Variants in NRXN3 observed in about 807,000 individuals in gnomAD.
NRXN3 encodes the protein neurexin III.
NRXN3 carries 32 observed loss-of-function variants against 137.6 expected under a neutral mutation model. The ratio of observed to expected loss-of-function variants is 0.23; its 90% CI spans 0.18 to 0.31. NRXN3 has a LOEUF of 0.31. Ranked by LOEUF, NRXN3 falls within the 10% of genes least tolerant of loss-of-function variation. NRXN3 has a pLI of 1.00. For synonymous variants in NRXN3, 798 were observed against 784.5 expected (o/e 1.02, Z -0.29); for missense variants, 1,574 against 2,062.5 (o/e 0.76, Z 4.59).
intron 4 of NRXN3, among the ~76,000 whole-genome samples, chr14:78,496,748 A>G (rs1173983877): frequency 3.3e-5 from 5 of 151,990 alleles, no homozygotes; most frequent in Admixed American, 3.3e-4. Flanking sequence ...GGTGAATCCA[A>G]AGATGAAGGG....
chr14:79,682,007 C>T (rs559676229), intron 17 of NRXN3, among the ~76,000 whole-genome samples: 1 of 152,016 alleles, frequency 6.6e-6, no homozygotes, highest in South Asian at 2.1e-4. Context: ...TGCTTTAAGT[C>T]AAATTGATTT....
At chr14:79,074,017 TA>T (rs2099691897) in intron 15 of NRXN3, among the ~76,000 whole-genome samples, 2 of 152,204 alleles carry the variant, frequency 1.3e-5, no homozygotes, top group South Asian at 4.1e-4. Context: ...TTTTGTTAAA[TA>T]AAATGAAGCT....
At chr14:78,316,938 T>C (rs553249124) in intron 4 of NRXN3, among the ~76,000 whole-genome samples, 1 of 152,318 alleles carries the variant, frequency 6.6e-6, no homozygotes, top group African/African-American at 2.4e-5. Context: ...CTTCCTTGAC[T>C]GTATTAGTCA....
chr14:78,328,393 A>T (rs2080364100), intron 4 of NRXN3, among the ~76,000 whole-genome samples: 2 of 152,210 alleles, frequency 1.3e-5, no homozygotes, highest in Non-Finnish European at 2.9e-5. Context: ...GGGGTGGAAG[A>T]TGTTGAGTTG....
chr14:78,845,650 G>T (rs1274490964), intron 10 of NRXN3, among the ~76,000 whole-genome samples: 2 of 151,946 alleles, frequency 1.3e-5, no homozygotes, highest in Non-Finnish European at 2.9e-5. Flanking sequence ...GTAGGCAAAA[G>T]GTAGAGTAAT....
chr14:78,290,645 A>T (rs938217350), intron 3 of NRXN3, among the ~76,000 whole-genome samples: 2 of 152,188 alleles, frequency 1.3e-5, no homozygotes, highest in African/African-American at 2.4e-5. Flanking sequence ...TCTCAAAAAA[A>T]AAGGGGGACT....
intron 19 of NRXN3, among the ~76,000 whole-genome samples, chr14:79,739,456 C>T (rs2098953004): frequency 6.6e-6 from 1 of 151,578 alleles, no homozygotes; most frequent in African/African-American, 2.4e-5. Flanking sequence ...ACCAGCCTGG[C>T]CAACATGGTG....
chr14:79,757,110 C>T (rs1274178637), intron 19 of NRXN3, among the ~76,000 whole-genome samples: 1 of 152,148 alleles, frequency 6.6e-6, no homozygotes, highest in Non-Finnish European at 1.5e-5. Context: ...CTTAAGCTTC[C>T]CATTTCAAGA....
intron 19 of NRXN3, among the ~76,000 whole-genome samples, chr14:79,783,127 T>A (rs2099119038): frequency 6.6e-6 from 1 of 152,134 alleles, no homozygotes. Flanking sequence ...GAGCTTTGCT[T>A]TGATAGAAGT....
intron 10 of NRXN3, among the ~76,000 whole-genome samples, chr14:78,917,336 G>C (rs2099258124): frequency 6.6e-6 from 1 of 152,152 alleles, no homozygotes; most frequent in Admixed American, 6.6e-5. Flanking sequence ...AGAAAGAGGA[G>C]CAGAAAAAAT....
At chr14:79,368,554 G>A (rs1180318723) in intron 15 of NRXN3, among the ~76,000 whole-genome samples, 2 of 152,134 alleles carry the variant, frequency 1.3e-5, no homozygotes, top group African/African-American at 2.4e-5. Context: ...CTCATTCTCA[G>A]TCAATACTCT....
intron 4 of NRXN3, among the ~76,000 whole-genome samples, chr14:78,345,688 A>G (rs897572920): frequency 1.5e-4 from 23 of 152,302 alleles, no homozygotes; most frequent in African/African-American, 5.3e-4. Flanking sequence ...TGGGTTATAA[A>G]GAGGAACCCG....
chr14:79,295,587 T>A (rs776711898), intron 15 of NRXN3, among the ~76,000 whole-genome samples: 13 of 152,096 alleles, frequency 8.5e-5, no homozygotes, highest in Admixed American at 4.6e-4. Context: ...TCCCAGTACC[T>A]AAGGCAGTGA....
chr14:78,704,451 A>G (rs1327955781), intron 6 of NRXN3, among the ~76,000 whole-genome samples: 1 of 152,172 alleles, frequency 6.6e-6, no homozygotes, highest in East Asian at 1.9e-4. Flanking sequence ...AGAAGCAATA[A>G]CACCTGGGTT....
intron 19 of NRXN3, among the ~76,000 whole-genome samples, chr14:79,770,543 G>T (rs969431225): frequency 1.4e-5 from 2 of 146,158 alleles, no homozygotes; most frequent in African/African-American, 5.1e-5. Context: ...ATAACGAAAT[G>T]AAGGCAGAAA....
intron 4 of NRXN3, among the ~76,000 whole-genome samples, chr14:78,357,876 G>A (rs1233334280): frequency 6.6e-6 from 1 of 152,152 alleles, no homozygotes; most frequent in Non-Finnish European, 1.5e-5. Context: ...AATAATAATA[G>A]CAATAGCTAA....
intron 10 of NRXN3, among the ~76,000 whole-genome samples, chr14:78,893,647 C>A (rs1028938202): frequency 2.6e-5 from 4 of 151,938 alleles, no homozygotes; most frequent in Non-Finnish European, 5.9e-5. Flanking sequence ...ATTAAGCCTT[C>A]TTGAGCATGT....
chr14:79,804,960 C>T, intron 19 of NRXN3, 152 bp from the exon 20 acceptor site: 1 of 578,616 alleles, frequency 1.7e-6, no homozygotes, highest in East Asian at 2.9e-5. Context: ...AAGAATTCTT[C>T]ATCCTACGGT....
At chr14:78,409,821 A>G (rs746936825) in intron 4 of NRXN3, among the ~76,000 whole-genome samples, 4 of 152,196 alleles carry the variant, frequency 2.6e-5, no homozygotes, top group Admixed American at 2.0e-4. Flanking sequence ...TACTTTGATT[A>G]TAAGTGACAG....
Sources: allele counts gnomAD v4.1 joint callset (sites outside exome capture counted in the v4.1 genomes callset), GRCh38; gene constraint gnomAD v4.1.1; transcripts MANE v1.5; gene names NCBI Gene and HGNC (gene_info 2026-07-23, HGNC 2026-07-21).